Variants in MXRA7 observed in about 807,000 individuals in gnomAD.
MXRA7 encodes matrix-remodeling-associated protein 7.
A neutral mutation model predicts 17.4 loss-of-function variants in MXRA7; 18 were observed. The observed-to-expected ratio is 1.03, with a 90% CI of 0.71 to 1.53. The LOEUF (loss-of-function observed/expected upper bound fraction) is 1.53, where lower values mean the gene tolerates loss of function less well. Ranked by LOEUF, MXRA7 falls within the 40% of genes most tolerant of loss-of-function variation. The pLI is 0.00. For synonymous variants in MXRA7, 70 were observed against 101.7 expected (o/e 0.69, Z 1.87); for missense variants, 141 against 209.3 (o/e 0.67, Z 2.01).
chr17:76,700,835 C>G (rs1052861577), intron 1 of MXRA7, among the ~76,000 whole-genome samples: 19 of 151,942 alleles, frequency 1.3e-4, no homozygotes, highest in African/African-American at 4.6e-4. Flanking sequence ...GGGCGGCAGG[C>G]GGGGGACTTT....
In MXRA7 at chr17:76,680,876, A is replaced by C; in HGVS notation, c.504T>G (p.Thr168=). The C allele has an allele frequency of 6.2e-7, 1 of 1,605,602 alleles. No individual in the cohort carries two copies. The highest frequency in any genetic ancestry group is 1.1e-5 in the South Asian group (1 of 90,116). Residue 168 remains threonine, a synonymous_variant, in exon 4 of 4, where the codon ACT becomes ACG. Transcript: ENST00000449428. ...GCTAAGGATAACTTCGTTATTCTTC[A>C]GTTCTGTAAAGAGAAATGGGGAGAA... ...TKEELEEEQR[T]EE is the part of the protein sequence containing the mutation.
In MXRA7 at chr17:76,680,394, A is replaced by C. The variant is rs1458928188; in HGVS notation, c.*473T>G. The C allele has an allele frequency of 1.0e-6, 1 of 985,798 alleles. No individual in the cohort carries two copies. The highest frequency in any genetic ancestry group is 4.7e-5 in the South Asian group (1 of 21,300). The allele number at this position is 985,798 out of a possible 1,614,324, so 61.1% of individuals were successfully genotyped here. On this transcript the variant is annotated 3_prime_UTR_variant, in exon 4 of 4. Coordinates refer to ENST00000449428, the MANE Select transcript of MXRA7 (RefSeq NM_198530.4). The stretch of plus-strand genomic sequence containing the variant: ...GGAAAGGGGTCGGCTGACCACCCTG[A>C]CGGAGCTGGTGAGCACAGGTGAGCT...
At chr17:76,696,756 A>G (rs2076536718) in intron 1 of MXRA7, among the ~76,000 whole-genome samples, 1 of 152,130 alleles carries the variant, frequency 6.6e-6, no homozygotes, top group Admixed American at 6.5e-5. Flanking sequence ...CTCAGCGTTG[A>G]ATGAATCCGT....
Position 76,688,192 on chromosome 17 carries a change from A to G in MXRA7, c.343-16T>C. 1.2e-6 allele frequency: 2 copies of G among 1,614,116 alleles called. No homozygotes were observed. Among genetic ancestry groups the G allele is most frequent in the Non-Finnish European group, 1.7e-6 (2 of 1,179,992 alleles). On this transcript the variant is annotated splice_polypyrimidine_tract_variant and intron_variant, in intron 1 of 3. Coordinates refer to ENST00000449428, the MANE Select transcript of MXRA7 (RefSeq NM_198530.4). ...GCTCCTCTTCCTGCAAGACAAGGAC[A>G]GGGTCAGTGCCCTTGGCACAGACTG...
downstream of MXRA7, chr17:76,677,737 C>G (rs753501499): frequency 6.6e-7 from 1 of 1,518,944 alleles, no homozygotes; most frequent in South Asian, 1.1e-5. Context: ...GAAGAAGGTG[C>G]TCCTAGCCCA....
chr17:76,699,707 G>C (rs1308349427), intron 1 of MXRA7, among the ~76,000 whole-genome samples: 4 of 152,156 alleles, frequency 2.6e-5, no homozygotes, highest in Admixed American at 1.3e-4. Context: ...AATGTGATCT[G>C]TCCTTCCACA....
chr17:76,705,068 A>AT (rs951887384), intron 1 of MXRA7, among the ~76,000 whole-genome samples: 6 of 152,200 alleles, frequency 3.9e-5, no homozygotes, highest in African/African-American at 1.2e-4. Context: ...AACTGTCTGC[A>AT]TGCTCACCAT....
exon 4 of MXRA7, chr17:76,674,415 G>A (rs2076224198): frequency 6.6e-6 from 1 of 152,226 alleles, no homozygotes; most frequent in Non-Finnish European, 1.5e-5. Flanking sequence ...CAGCACTTAC[G>A]GGGAATAGAT....
Position 76,681,360 on chromosome 17 carries a change from G to C in MXRA7, c.501-481C>G, listed in dbSNP as rs538016030. Among the ~76,000 whole-genome samples the C allele has an allele frequency of 5.3e-5, 8 of 152,200 alleles. No homozygotes were observed. Among genetic ancestry groups the C allele is most frequent in the African/African-American group, 1.9e-4 (8 of 41,514 alleles). ...CGTCTTTTATGAACCAAGACACACT[G>C]CCAGCCCTGGGACCACTGAGAACCC... On this transcript the variant is annotated intron_variant, in intron 3 of 3. Transcript: ENST00000449428. The surrounding 1 kb of genome is among the most constrained non-coding windows in gnomAD (Gnocchi z 4.7).
chr17:76,698,990 G>C (rs1383119233), intron 1 of MXRA7, among the ~76,000 whole-genome samples: 1 of 151,952 alleles, frequency 6.6e-6, no homozygotes, highest in African/African-American at 2.4e-5. Context: ...CAAAGTGCTG[G>C]GATTACAGGC....
At chr17:76,684,691 A>G (rs1598339616) in intron 3 of MXRA7, 1 of 450,344 alleles carries the variant, frequency 2.2e-6, no homozygotes, top group Non-Finnish European at 4.4e-6. Flanking sequence ...GAAATGGAGA[A>G]ATCAGCTCTG....
intron 3 of MXRA7, among the ~76,000 whole-genome samples, chr17:76,683,340 C>A (rs73996669): frequency 0.03 from 4,535 of 152,316 alleles, 218 homozygotes; most frequent in African/African-American, 0.1. Context: ...GCTGGATTGG[C>A]ACAGGCAGGT....
chr17:76,696,890 C>T (rs749160062), intron 1 of MXRA7, among the ~76,000 whole-genome samples: 4 of 152,180 alleles, frequency 2.6e-5, no homozygotes, highest in Non-Finnish European at 5.9e-5. Flanking sequence ...ACGAACCCAA[C>T]AGAGTACGCA....
intron 1 of MXRA7, 26 bp from the exon 2 acceptor site, chr17:76,688,202 C>T (rs2076426325): frequency 6.2e-7 from 1 of 1,613,738 alleles, no homozygotes; most frequent in Non-Finnish European, 8.5e-7. Flanking sequence ...AGGGTCAGTG[C>T]CCTTGGCACA....
chr17:76,696,931 G>A (rs926218797), intron 1 of MXRA7, among the ~76,000 whole-genome samples: 2 of 152,164 alleles, frequency 1.3e-5, no homozygotes, highest in African/African-American at 2.4e-5. Context: ...CAAAGGAAAC[G>A]GAACAGAGCA....
At chr17:76,686,500 G>A (rs2076399722) in intron 2 of MXRA7, among the ~76,000 whole-genome samples, 1 of 152,044 alleles carries the variant, frequency 6.6e-6, no homozygotes, top group Non-Finnish European at 1.5e-5. Context: ...CCCAAAAAAA[G>A]AAAACATACA....
At chr17:76,676,299 GC>G (rs1389538812), downstream of MXRA7, 1 of 152,198 alleles carries the variant, frequency 6.6e-6, no homozygotes, top group Admixed American at 6.5e-5. Context: ...ACAGCATCCA[GC>G]ATAGTTCTAA....
In MXRA7 at chr17:76,681,869, A is replaced by G. The variant is rs1285704333; in HGVS notation, c.501-990T>C. ...GGAGCTGTCACCAGCCTGCAAGCCC[A>G]CTGTCCTAGCCACACTGTGAAACTG... On this transcript the variant is annotated intron_variant, in intron 3 of 3. Transcript: ENST00000449428. This position sits in a 1 kb window ranked among gnomAD's most constrained non-coding sequence, Gnocchi z 4.7. Among the ~76,000 whole-genome samples, 1 of 152,162 alleles carries G rather than the reference A, an allele frequency of 6.6e-6. No homozygotes were observed. Among genetic ancestry groups the G allele is most frequent in the African/African-American group, 2.4e-5 (1 of 41,432 alleles).
At chr17:76,694,436 GTTTT>G (rs1319956705) in intron 1 of MXRA7, among the ~76,000 whole-genome samples, 4 of 152,250 alleles carry the variant, frequency 2.6e-5, no homozygotes, top group Admixed American at 6.5e-5. Context: ...GCCATGGAAT[GTTTT>G]TTTGAGTGGT....
Sources: allele counts gnomAD v4.1 joint callset (sites outside exome capture counted in the v4.1 genomes callset), GRCh38; gene constraint gnomAD v4.1.1; non-coding constraint Gnocchi (gnomAD v3.1); transcripts MANE v1.5; gene names NCBI Gene and HGNC (gene_info 2026-07-23, HGNC 2026-07-21).